Variants in ECSIT observed in about 807,000 individuals in gnomAD.
ECSIT encodes the protein evolutionarily conserved signaling intermediate in Toll pathway, mitochondrial.
In ECSIT, 29 loss-of-function variants were observed where a neutral mutation model predicts 36.8. The ratio of observed to expected loss-of-function variants is 0.79; its 90% CI spans 0.59 to 1.08. ECSIT has a LOEUF of 1.08. Ranked by LOEUF, ECSIT falls within the 50% of genes least tolerant of loss-of-function variation. The pLI, the probability that ECSIT is intolerant of heterozygous loss-of-function variation, is 0.00. For synonymous variants in ECSIT, 231 were observed against 234.8 expected (o/e 0.98, Z 0.15); for missense variants, 542 against 581.0 (o/e 0.93, Z 0.69).
chr19:11,520,297 G>A (rs141033979), intron 1 of ECSIT, among the ~76,000 whole-genome samples: 1,834 of 151,888 alleles, frequency 0.012, 34 homozygotes, highest in African/African-American at 0.04. Context: ...TCAGCATCCC[G>A]AGTAGCTGGG....
At chr19:11,509,378 AG>A (rs1568401628) in intron 4 of ECSIT, among the ~76,000 whole-genome samples, 1 of 146,180 alleles carries the variant, frequency 6.8e-6, no homozygotes, top group African/African-American at 2.7e-5. Flanking sequence ...CCGCTGACAA[AG>A]TTTTTTTTTT....
In ECSIT at chr19:11,529,061, C is replaced by T. The variant is rs1357620541; in HGVS notation, c.-24+1G>A. 1 of 152,442 alleles carries T rather than the reference C, an allele frequency of 6.6e-6. No individual in the cohort carries two copies. The highest frequency in any genetic ancestry group is 1.5e-5 in the Non-Finnish European group (1 of 68,170). 9.4% of individuals were successfully genotyped at this position (152,442 alleles called of 1,614,324 possible). A position where few individuals can be genotyped will look rare whatever the true frequency, so the allele number is the denominator to read the frequency against. On this transcript the variant is annotated splice_donor_variant, in intron 1 of 7. Coordinates refer to ENST00000270517, the MANE Select transcript of ECSIT (RefSeq NM_016581.5). LOFTEE classifies it low-confidence loss of function (5UTR_SPLICE). ...CGTTCGCCTACCCGCGCGCGACCTA[C>T]CTACTCACGCGGCCAGCCGCGGACT...
chr19:11,508,090 C>A, intron 4 of ECSIT, 42 bp from the exon 5 acceptor site: 2 of 1,610,028 alleles, frequency 1.2e-6, no homozygotes, highest in Non-Finnish European at 1.7e-6. Context: ...ACCCCCAATC[C>A]CCTACAGAGG....
At position 11,514,052 on chromosome 19, in the gene ECSIT, A is replaced by G; in HGVS notation, c.266T>C (p.Phe89Ser). 1.2e-6 allele frequency: 2 copies of G among 1,614,142 alleles called. No individual in the cohort carries two copies. Among genetic ancestry groups the G allele is most frequent in the Non-Finnish European group, 1.7e-6 (2 of 1,180,018 alleles). The part of the protein sequence containing the change: ...APGGERDKAS[F>S]LQTVQKFAEH... ...CGCAAATTTCTGCACCGTCTGCAGG[A>G]AGCTCGCCTTGTCCCGTTCCCCACC... The change falls in exon 3 of 8, where the codon TTC becomes TCC. Residue 89 changes from phenylalanine to serine, a missense_variant. Phe to Ser is a radical substitution (Grantham distance 155). Transcript: ENST00000270517.
rs1055288949 is a variant in ECSIT, at chr19:11,506,114, C to G, written c.*70G>C. ...GGAAAACATTGATTTGCTGTACACTCAAAGGGCATCTCATGCCTTCAGTCC... is the reference window on the plus strand; with the variant it reads ...GGAAAACATTGATTTGCTGTACACTGAAAGGGCATCTCATGCCTTCAGTCC... On this transcript the variant is annotated 3_prime_UTR_variant, in exon 8 of 8. Coordinates refer to ENST00000270517, the MANE Select transcript of ECSIT (RefSeq NM_016581.5). 163 of 1,580,104 alleles carry G rather than the reference C, an allele frequency of 1.0e-4. No individual in the cohort carries two copies. Among genetic ancestry groups the G allele is most frequent in the Non-Finnish European group, 1.3e-4 (153 of 1,169,186 alleles).
rs1972056456 is a variant in ECSIT at position 11,519,279 on chromosome 19, C to T, written c.-23-86G>A. ...GCCCCGCAGGGTCGAGGGCACACTC[C>T]AGATTATGTGGCTCACTCACCAGCC... is the stretch of plus-strand genomic sequence containing the variant. On this transcript the variant is annotated intron_variant, in intron 1 of 7. Transcript: ENST00000270517. This position sits in a 1 kb window ranked among gnomAD's most constrained non-coding sequence, Gnocchi z 4.4. 4.6e-6 allele frequency: 4 copies of T among 861,382 alleles called. No individual in the cohort carries two copies. Among genetic ancestry groups the T allele is most frequent in the Non-Finnish European group, 7.5e-6 (4 of 531,616 alleles). The allele number at this position is 861,382 out of a possible 1,614,324, so 53.4% of individuals were successfully genotyped here. A position where few individuals can be genotyped will look rare whatever the true frequency, so the allele number is the denominator to read the frequency against.
chr19:11,519,267 GA>G lies in ECSIT; in HGVS notation c.-23-75del. 1 of 962,172 alleles carries G rather than the reference GA, an allele frequency of 1.0e-6. No individual in the cohort carries two copies. Among genetic ancestry groups the G allele is most frequent in the Non-Finnish European group, 1.6e-6 (1 of 623,034 alleles). The allele number at this position is 962,172 out of a possible 1,614,324, so 59.6% of individuals were successfully genotyped here. ...ACAGACGCAAGGGCCCCGCAGGGTC[GA>G]GGGCACACTCCAGATTATGTGGCTC... On this transcript the variant is annotated intron_variant, in intron 1 of 7. Coordinates refer to ENST00000270517, the MANE Select transcript of ECSIT (RefSeq NM_016581.5). The surrounding 1 kb of genome is among the most constrained non-coding windows in gnomAD (Gnocchi z 4.4).
intron 1 of ECSIT, chr19:11,522,565 T>A (rs1447437145): frequency 2.4e-5 from 15 of 616,876 alleles, no homozygotes; most frequent in East Asian, 9.0e-5. Flanking sequence ...AAAAAAAAAA[T>A]TAGCCAGTCA....
In ECSIT at chr19:11,513,922, C is replaced by T. The variant is rs1971930159; in HGVS notation, c.396G>A (p.Leu132=). 4.3e-6 allele frequency: 7 copies of T among 1,614,216 alleles called. No homozygotes were observed. Among genetic ancestry groups the T allele is most frequent in the Non-Finnish European group, 5.9e-6 (7 of 1,180,042 alleles). The change falls in exon 3 of 8, where the codon CTG becomes CTA. Residue 132 remains leucine, a synonymous_variant. Transcript: ENST00000270517. The part of the protein sequence containing the change: ...VERDLAVYNQ[L]LNIFPKEVFR... ...AGACCTCCTTGGGGAAGATGTTGAG[C>T]AGCTGGTTGTACACAGCCAGGTCCC...
chr19:11,515,580 C>T (rs1971982289), intron 2 of ECSIT, among the ~76,000 whole-genome samples: 1 of 152,096 alleles, frequency 6.6e-6, no homozygotes, highest in Non-Finnish European at 1.5e-5. Context: ...CCTCAGCCTC[C>T]CAAGTAGCTA....
In ECSIT at chr19:11,514,011, T is replaced by C. The variant is rs1329032151; in HGVS notation, c.307A>G (p.Lys103Glu). The C allele has an allele frequency of 1.2e-5, 20 of 1,614,254 alleles. No homozygotes were observed. Among genetic ancestry groups the C allele is most frequent in the Non-Finnish European group, 1.7e-5 (20 of 1,180,052 alleles). The change falls in exon 3 of 8, where the codon AAG becomes GAG. Residue 103 changes from lysine (K) to glutamate (E), a missense_variant. By Grantham distance (56) the Lys-to-Glu change is moderately conservative (BLOSUM62 1). Coordinates refer to ENST00000270517, the MANE Select transcript of ECSIT (RefSeq NM_016581.5). ...TAGATGAAGTCAATGTGGCCCCGCTTACGCACGCTGTGCTCCGCAAATTTC... is the reference window on the plus strand; with the variant it reads ...TAGATGAAGTCAATGTGGCCCCGCTCACGCACGCTGTGCTCCGCAAATTTC... ...VQKFAEHSVR[K>E]RGHIDFIYLA...
At position 11,514,438 on chromosome 19, in the gene ECSIT, CG is replaced by C. The variant is rs112082746; in HGVS notation, c.97-218del. The stretch of plus-strand genomic sequence containing the variant: ...AAACAGGCACTGTTAGCCATGGCTA[CG>C]GGGAGCTGGTAAAAACTGCCACGGA... On this transcript the variant is annotated intron_variant, in intron 2 of 7. Transcript: ENST00000270517. Among the ~76,000 whole-genome samples, 597 of 151,856 alleles carry C rather than the reference CG, an allele frequency of 3.9e-3. 5 individuals are homozygous for C. Among genetic ancestry groups the C allele is most frequent in the African/African-American group, 0.014 (567 of 41,388 alleles).
At chr19:11,522,082 G>A (rs990890977) in intron 1 of ECSIT, 6 of 342,188 alleles carry the variant, frequency 1.8e-5, no homozygotes, top group East Asian at 1.5e-4. Context: ...TGATCATGTC[G>A]TTGCCAAGTC....
rs1971928295 is a variant in ECSIT at position 11,513,856 on chromosome 19, G to A, written c.462C>T (p.Tyr154=). Residue 154 remains tyrosine, a synonymous_variant, in exon 3 of 8, where the codon TAC becomes TAT. Transcript: ENST00000270517. ...CAATCCCACACTCCTGCTGCCGAGG[G>A]TAGTGGACGAAGATGCGCTGGATGA... ...RNIIQRIFVH[Y]PRQQECGIAV... 1 of 1,614,172 alleles carries A rather than the reference G, an allele frequency of 6.2e-7. No homozygotes were observed. The highest frequency in any genetic ancestry group is 8.5e-7 in the Non-Finnish European group (1 of 1,180,038).
chr19:11,525,980 TCCCAGGCGGAGTCTTGCTCTGTCG>T (rs1217823366), intron 1 of ECSIT, among the ~76,000 whole-genome samples: 1 of 151,360 alleles, frequency 6.6e-6, no homozygotes, highest in African/African-American at 2.4e-5. Flanking sequence ...TTTTTTTTTT[TCCCAGGCGGAGTCTTGCTCTGTCG>T]CCCAGGCTGG....
At position 11,506,439 on chromosome 19, in the gene ECSIT, A is replaced by C; in HGVS notation, c.1052-11T>G. ...CAGGGCCTTCCTCCACTGTTGGAAG[A>C]CATGCACCCTTAAGGTTTGCACAGT... On this transcript the variant is annotated splice_polypyrimidine_tract_variant and intron_variant, in intron 7 of 7. Coordinates refer to ENST00000270517, the MANE Select transcript of ECSIT (RefSeq NM_016581.5). The C allele has an allele frequency of 6.2e-7, 1 of 1,608,120 alleles. No homozygotes were observed. The highest frequency in any genetic ancestry group is 8.5e-7 in the Non-Finnish European group (1 of 1,176,134).
intron 7 of ECSIT, 73 bp downstream of exon 7, chr19:11,507,384 T>A: frequency 8.1e-7 from 1 of 1,238,134 alleles, no homozygotes; most frequent in South Asian, 1.2e-5. Context: ...CAAGTGATCC[T>A]CCCACCTCAG....
Position 11,506,464 on chromosome 19 carries a change from TG to T in ECSIT, c.1052-37del. The T allele has an allele frequency of 2.5e-6, 4 of 1,577,432 alleles. 1 individual carries two copies. The South Asian group carries it at 3.4e-5, about 13-fold the overall frequency. ...ACATGCACCCTTAAGGTTTGCACAG[TG>T]GGGGCTGCAGCGGCTAACCCATGCC... On this transcript the variant is annotated intron_variant, in intron 7 of 7. Coordinates refer to ENST00000270517, the MANE Select transcript of ECSIT (RefSeq NM_016581.5).
intron 4 of ECSIT, among the ~76,000 whole-genome samples, chr19:11,512,287 G>C (rs573131211): frequency 6.6e-6 from 1 of 152,104 alleles, no homozygotes; most frequent in Non-Finnish European, 1.5e-5. Context: ...GGAATTTGCC[G>C]TGAGCCAAGA....
Sources: allele counts gnomAD v4.1 joint callset (sites outside exome capture counted in the v4.1 genomes callset), GRCh38; gene constraint gnomAD v4.1.1; non-coding constraint Gnocchi (gnomAD v3.1); transcripts MANE v1.5; gene names NCBI Gene and HGNC (gene_info 2026-07-23, HGNC 2026-07-21).